The following CILP2 variants were observed in gnomAD, a reference collection of about 807,000 sequenced individuals.
The protein encoded by CILP2 is cartilage intermediate layer protein 2, also known as CILP-2.
Under a neutral mutation model 45.6 loss-of-function variants are expected in CILP2, and 38 were observed. The observed-to-expected ratio is 0.83, with a 90% CI of 0.64 to 1.09. CILP2 has a LOEUF of 1.09. CILP2 is among the 50% of genes least tolerant of loss of function. The pLI is 0.00. For missense variants in CILP2, 1,735 were observed against 1,662.2 expected (o/e 1.04, Z -0.76); for synonymous variants, 780 against 723.5 (o/e 1.08, Z -1.25).
At position 19,544,822 on chromosome 19, in the gene CILP2, G is replaced by A. The variant is rs1177536508; in HGVS notation, c.2277G>A (p.Val759=). The change falls in exon 8 of 8, where the codon GTG becomes GTA. Residue 759 remains valine, a synonymous_variant. Transcript: ENST00000291495. The part of the protein sequence containing the change: ...FTPSEQVEGV[V]VTLVNLEPAP... ...CCAGCGAGCAGGTGGAGGGCGTGGT[G>A]GTCACGCTGGTCAATCTGGAGCCCG... 8 of 1,602,642 alleles carry A rather than the reference G, an allele frequency of 5.0e-6. 1 individual carries two copies. Among genetic ancestry groups the A allele is most frequent in the Non-Finnish European group, 6.8e-6 (8 of 1,179,484 alleles).
intron 3 of CILP2, 153 bp downstream of exon 3, chr19:19,540,629 A>C: frequency 2.3e-6 from 2 of 887,902 alleles, no homozygotes; most frequent in Non-Finnish European, 3.1e-6. Flanking sequence ...GCGTAGGACG[A>C]CGTCAGGGGG....
chr19:19,544,630 C>T lies in CILP2; in HGVS notation c.2085C>T (p.Ser695=), dbSNP rs866656506. The T allele has an allele frequency of 1.3e-6, 2 of 1,549,526 alleles. No homozygotes were observed. The highest frequency in any genetic ancestry group is 2.3e-5 in the East Asian group (1 of 43,282). ...AGACCGGCTTGTGGGAGGAGGAGAG[C>T]GGCTTCCGGCGCGAGGGGTCCTCGG... ...NPETGLWEEE[S]GFRREGSSGP... is the part of the protein sequence containing the mutation. Residue 695 remains serine, a synonymous_variant, in exon 8 of 8, where the codon AGC becomes AGT. Transcript: ENST00000291495.
rs200587421 is a variant in CILP2, at chr19:19,543,354, T to C, written c.1084T>C (p.Trp362Arg). Reference sequence around the variant, plus strand: ...GGCTGGCATCTACCACTGCAAGGCATGGAATGAGGCGGGTGCCGTGCGCTC... The same window carrying C: ...GGCTGGCATCTACCACTGCAAGGCACGGAATGAGGCGGGTGCCGTGCGCTC... ...DQAGIYHCKA[W>R]NEAGAVRSGT... The change falls in exon 7 of 8, where the codon TGG (tryptophan) becomes CGG (arginine). Residue 362 changes from tryptophan (W) to arginine (R), a missense_variant. Transcript: ENST00000291495. 6 of 1,613,590 alleles carry C rather than the reference T, an allele frequency of 3.7e-6. No individual in the cohort carries two copies. The Admixed American group carries it at 1.0e-4, about 27-fold the overall frequency.
At chr19:19,538,438 C>G (rs1241673664) in intron 1 of CILP2, 25 bp downstream of exon 1, 4 of 1,500,442 alleles carry the variant, frequency 2.7e-6, no homozygotes, top group Non-Finnish European at 3.5e-6. Flanking sequence ...GCCCCCGCGC[C>G]CAGCCCCTGA....
chr19:19,544,823 G>A lies in CILP2; in HGVS notation c.2278G>A (p.Val760Ile). The A allele has an allele frequency of 5.6e-6, 9 of 1,602,784 alleles. No individual in the cohort carries two copies. The highest frequency in any genetic ancestry group is 7.6e-6 in the Non-Finnish European group (9 of 1,179,492). ...CAGCGAGCAGGTGGAGGGCGTGGTG[G>A]TCACGCTGGTCAATCTGGAGCCCGC... ...TPSEQVEGVV[V>I]TLVNLEPAPG... is the part of the protein sequence containing the mutation. The change falls in exon 8 of 8, where the codon GTC becomes ATC. Residue 760 changes from valine (V) to isoleucine (I), a missense_variant. Transcript: ENST00000291495.
rs775924939 is a variant in CILP2, at chr19:19,545,472, G to A, written c.2927G>A (p.Arg976Gln). The change falls in exon 8 of 8, where the codon CGG becomes CAG. Residue 976 changes from arginine (R) to glutamine (Q), a missense_variant. Transcript: ENST00000291495. Reference protein sequence around the residue: ...RGQLYGLRDARSVRDPERPGT... With the variant: ...RGQLYGLRDAQSVRDPERPGT... Reference sequence around the variant, plus strand: ...CAGCTCTACGGACTTCGGGATGCCCGGAGTGTGCGAGACCCCGAGCGTCCG... The same window carrying A: ...CAGCTCTACGGACTTCGGGATGCCCAGAGTGTGCGAGACCCCGAGCGTCCG... 28 of 1,612,252 alleles carry A rather than the reference G, an allele frequency of 1.7e-5. No individual in the cohort carries two copies. The South Asian group carries it at 3.0e-4, about 17-fold the overall frequency.
In CILP2 at chr19:19,545,607, T is replaced by C; in HGVS notation, c.3062T>C (p.Val1021Ala). Reference protein sequence around the residue: ...TIMPQGSCRRVAVNGLLRDYL... With the variant: ...TIMPQGSCRRAAVNGLLRDYL... ...ATGCCCCAGGGCAGCTGCCGGCGCG[T>C]GGCCGTCAACGGACTCCTTCGGGAT... The change falls in exon 8 of 8, where the codon GTG (valine) becomes GCG (alanine). Residue 1021 changes from valine (V) to alanine (A), a missense_variant. Physicochemically the swap from Val to Ala is moderately conservative, Grantham distance 64. Transcript: ENST00000291495. 6.2e-7 allele frequency: 1 copy of C among 1,609,012 alleles called. No homozygotes were observed. Among genetic ancestry groups the C allele is most frequent in the South Asian group, 1.1e-5 (1 of 90,760 alleles).
intron 4 of CILP2, 26 bp from the exon 5 acceptor site, chr19:19,542,349 C>G (rs1160728586): frequency 6.3e-7 from 1 of 1,594,870 alleles, no homozygotes; most frequent in African/African-American, 1.3e-5. Context: ...GTTTCTCTGT[C>G]CTGCTTCCTC....
rs2144680029 is a variant in CILP2, at chr19:19,545,098, T to A, written c.2553T>A (p.Asp851Glu). 6.2e-7 allele frequency: 1 copy of A among 1,611,490 alleles called. No homozygotes were observed. Among genetic ancestry groups the A allele is most frequent in the Non-Finnish European group, 8.5e-7 (1 of 1,179,486 alleles). ...GGTACCGTCGGACGGACCACGACGA[T>A]CCCGCCTTCAAGCGTAACGGCTTCC... ...RLGYRRTDHDDPAFKRNGFRI... is the reference protein window; with the variant it reads ...RLGYRRTDHDEPAFKRNGFRI... Residue 851 changes from aspartate to glutamate, a missense_variant, in exon 8 of 8, where the codon GAT (aspartate) becomes GAA (glutamate). Coordinates refer to ENST00000291495, the MANE Select transcript of CILP2 (RefSeq NM_153221.2).
chr19:19,540,321 T>C lies in CILP2; in HGVS notation c.281T>C (p.Leu94Pro), dbSNP rs779885757. 4 of 1,578,796 alleles carry C rather than the reference T, an allele frequency of 2.5e-6. No individual in the cohort carries two copies. Among genetic ancestry groups the C allele is most frequent in the African/African-American group, 2.7e-5 (2 of 73,592 alleles). The change falls in exon 3 of 8, where the codon CTG (leucine) becomes CCG (proline). Residue 94 changes from leucine to proline, a missense_variant. Coordinates refer to ENST00000291495, the MANE Select transcript of CILP2 (RefSeq NM_153221.2). ...YGPARVCPRP[L>P]ALEARTTDWA... Reference sequence around the variant, plus strand: ...CCAGCGCGCGTGTGCCCGCGACCGCTGGCGCTGGAAGCGCGCACCACGGAC... The same window carrying C: ...CCAGCGCGCGTGTGCCCGCGACCGCCGGCGCTGGAAGCGCGCACCACGGAC...
rs773634011 is a variant in CILP2, at chr19:19,540,212, G to C, written c.172G>C (p.Glu58Gln). 19 of 1,590,780 alleles carry C rather than the reference G, an allele frequency of 1.2e-5. No individual in the cohort carries two copies. Among genetic ancestry groups the C allele is most frequent in the South Asian group, 1.0e-4 (9 of 89,466 alleles). ...GCGTGCGGTGCCCGCAGAGGCCAGC[G>C]AGTGGACGTCCTGGTTCAACGTGGA... ...PALEDWEEAS[E>Q]WTSWFNVDHP... The change falls in exon 3 of 8, where the codon GAG becomes CAG. Residue 58 changes from glutamate (E) to glutamine (Q), a missense_variant. Coordinates refer to ENST00000291495, the MANE Select transcript of CILP2 (RefSeq NM_153221.2).
chr19:19,545,230 C>A lies in CILP2; in HGVS notation c.2685C>A (p.Ser895Arg), dbSNP rs757212819. ...GCCAGGGGGCCCCGGTGACTGCCAG[C>A]CACTTCCGCTTCGCCAGGGTGGAGG... ...RECQGAPVTA[S>R]HFRFARVEAD... The change falls in exon 8 of 8, where the codon AGC (serine) becomes AGA (arginine). Residue 895 changes from serine (S) to arginine (R), a missense_variant. Transcript: ENST00000291495. The A allele has an allele frequency of 4.3e-6, 7 of 1,612,402 alleles. No individual in the cohort carries two copies. Among genetic ancestry groups the A allele is most frequent in the African/African-American group, 1.3e-5 (1 of 75,064 alleles).
In CILP2 at chr19:19,538,310, C is replaced by T. The variant is rs1190089117; in HGVS notation, c.-40C>T. 5 of 1,541,664 alleles carry T rather than the reference C, an allele frequency of 3.2e-6. No individual in the cohort carries two copies. In the Admixed American group the frequency reaches 7.4e-5, roughly 23 times the overall value. On this transcript the variant is annotated 5_prime_UTR_variant, in exon 1 of 8. Transcript: ENST00000291495. ...CCGCCGGAGTTGGACCCGAGCACGC[C>T]GCGGAGCCCGGACCCTCCCTCGGAC...
intron 1 of CILP2, 60 bp downstream of exon 1, chr19:19,538,473 C>T: frequency 6.7e-6 from 9 of 1,342,414 alleles, no homozygotes; most frequent in South Asian, 1.6e-5. Flanking sequence ...TGGCAGCCGG[C>T]CTTGGGTGAA....
chr19:19,542,993 CAG>C (rs2061250075), intron 6 of CILP2, 21 bp downstream of exon 6: 3 of 1,478,176 alleles, frequency 2.0e-6, no homozygotes, highest in Non-Finnish European at 2.8e-6. Context: ...GCCCCGGGCT[CAG>C]GGGCATCTTC....
In CILP2 at chr19:19,545,354, C is replaced by A. The variant is rs747546296; in HGVS notation, c.2809C>A (p.Arg937=). ...LAWWPNPQEF[R]ACFLKVKIQG... Reference sequence around the variant, plus strand: ...CTGGTGGCCCAACCCGCAGGAGTTCCGGGCCTGCTTCCTCAAGGTGAAGAT... The same window carrying A: ...CTGGTGGCCCAACCCGCAGGAGTTCAGGGCCTGCTTCCTCAAGGTGAAGAT... The change falls in exon 8 of 8, where the codon CGG becomes AGG. Residue 937 remains arginine (R), a synonymous_variant. Coordinates refer to ENST00000291495, the MANE Select transcript of CILP2 (RefSeq NM_153221.2). 1.9e-6 allele frequency: 3 copies of A among 1,612,150 alleles called. No homozygotes were observed. Among genetic ancestry groups the A allele is most frequent in the Non-Finnish European group, 1.7e-6 (2 of 1,179,700 alleles).
Position 19,541,231 on chromosome 19 carries a change from C to A in CILP2, c.577C>A (p.Arg193=), listed in dbSNP as rs1236842792. The A allele has an allele frequency of 3.1e-6, 4 of 1,284,734 alleles. No individual in the cohort carries two copies. The highest frequency in any genetic ancestry group is 3.0e-5 in the African/African-American group (2 of 66,040). 79.6% of individuals were successfully genotyped at this position (1,284,734 alleles called of 1,614,324 possible). The change falls in exon 4 of 8, where the codon CGG becomes AGG. Residue 193 remains arginine (R), a synonymous_variant. Coordinates refer to ENST00000291495, the MANE Select transcript of CILP2 (RefSeq NM_153221.2). Reference sequence around the variant, plus strand: ...TCCTCTGGAGGCGCAGAAGTGCGTGCGGCCTCGGTGTCCAGGTAGGAGGGG... The same window carrying A: ...TCCTCTGGAGGCGCAGAAGTGCGTGAGGCCTCGGTGTCCAGGTAGGAGGGG... ...GRPLEAQKCV[R]PRCPGCSLDT...
chr19:19,541,127 G>A lies in CILP2; in HGVS notation c.473G>A (p.Cys158Tyr). Residue 158 changes from cysteine to tyrosine, a missense_variant, in exon 4 of 8, where the codon TGC becomes TAC. Physicochemically the swap from Cys to Tyr is radical, Grantham distance 194 (BLOSUM62 -2). Coordinates refer to ENST00000291495, the MANE Select transcript of CILP2 (RefSeq NM_153221.2). ...GGCGCGTGGGGCCCGTGGGGTCCCTGCTCGGGGAGCTGTGGGCCAGGCCGT... is the reference window on the plus strand; with the variant it reads ...GGCGCGTGGGGCCCGTGGGGTCCCTACTCGGGGAGCTGTGGGCCAGGCCGT... Reference protein sequence around the residue: ...SWGAWGPWGPCSGSCGPGRRL... With the variant: ...SWGAWGPWGPYSGSCGPGRRL... The A allele has an allele frequency of 7.9e-7, 1 of 1,259,792 alleles. No homozygotes were observed. 78.0% of individuals were successfully genotyped at this position (1,259,792 alleles called of 1,614,324 possible). A position where few individuals can be genotyped will look rare whatever the true frequency, so the allele number is the denominator to read the frequency against.
rs770855928 is a variant in CILP2 at position 19,545,155 on chromosome 19, C to A, written c.2610C>A (p.Asp870Glu). The change falls in exon 8 of 8, where the codon GAC (aspartate) becomes GAA (glutamate). Residue 870 changes from aspartate (D) to glutamate (E), a missense_variant. Coordinates refer to ENST00000291495, the MANE Select transcript of CILP2 (RefSeq NM_153221.2). ...RINLAKPRPG[D>E]PAEANGPVYP... ...ACCTCGCCAAGCCCAGGCCAGGTGA[C>A]CCCGCCGAGGCCAATGGGCCTGTGT... 8.1e-6 allele frequency: 13 copies of A among 1,612,634 alleles called. No individual in the cohort carries two copies. In the East Asian group the frequency reaches 2.2e-4, roughly 28 times the overall value.
Sources: gnomAD v4.1 joint callset for allele counts on GRCh38, gnomAD v4.1.1 for gene constraint, MANE v1.5 for transcripts, NCBI Gene and HGNC (gene_info 2026-07-23, HGNC 2026-07-21) for gene names.